SPICE1: variants seen among roughly 807,000 people sequenced by gnomAD.
SPICE1 encodes the protein spindle and centriole associated protein 1, also known as spindle and centriole-associated protein 1.
A neutral mutation model predicts 102.7 loss-of-function variants in SPICE1; 75 were observed. The observed-to-expected ratio is 0.73, with a 90% CI of 0.61 to 0.88. The LOEUF (loss-of-function observed/expected upper bound fraction) is 0.88. Ranked by LOEUF, SPICE1 falls within the 40% of genes least tolerant of loss-of-function variation. SPICE1 has a pLI of 0.00. For missense variants in SPICE1, 979 were observed against 1,020.1 expected (o/e 0.96, Z 0.55); for synonymous variants, 308 against 350.3 (o/e 0.88, Z 1.35).
chr3:113,473,697 G>C (rs1262643657), intron 7 of SPICE1, among the ~76,000 whole-genome samples: 1 of 151,448 alleles, frequency 6.6e-6, no homozygotes, highest in Non-Finnish European at 1.5e-5. Flanking sequence ...AGCTTCATAA[G>C]TGAAGGAGAA....
In SPICE1 at chr3:113,458,463, C is replaced by T. The variant is rs546167808; in HGVS notation, c.1436-1106G>A. On this transcript the variant is annotated intron_variant, in intron 12 of 17. Coordinates refer to ENST00000295872, the MANE Select transcript of SPICE1 (RefSeq NM_144718.4). ...TCCTGACCGCGAGTGATCTGCCAGC[C>T]TTGGCCTCCCGAGGTGCCGGGATTG... Among the ~76,000 whole-genome samples the T allele has an allele frequency of 3.9e-5, 6 of 152,362 alleles. No individual in the cohort carries two copies. The East Asian group carries it at 9.6e-4, about 24-fold the overall frequency.
chr3:113,472,876 C>G (rs931712268), intron 7 of SPICE1, among the ~76,000 whole-genome samples: 1 of 152,294 alleles, frequency 6.6e-6, no homozygotes, highest in Admixed American at 6.5e-5. Context: ...AAAAGCAGAG[C>G]ACCTCTCCTC....
At chr3:113,501,918 C>T (rs553548508) in intron 3 of SPICE1, among the ~76,000 whole-genome samples, 5 of 152,270 alleles carry the variant, frequency 3.3e-5, no homozygotes, top group Non-Finnish European at 7.4e-5. Flanking sequence ...TATAAAAGAA[C>T]TGATAATACA....
At chr3:113,475,823 A>G (rs1220216135) in intron 7 of SPICE1, among the ~76,000 whole-genome samples, 4 of 152,224 alleles carry the variant, frequency 2.6e-5, no homozygotes, top group African/African-American at 9.7e-5. Context: ...CCCACAGCCA[A>G]TATCATATTG....
intron 7 of SPICE1, among the ~76,000 whole-genome samples, chr3:113,486,210 CATATATAT>C (rs60309507): frequency 4.3e-5 from 6 of 141,046 alleles, no homozygotes; most frequent in Admixed American, 7.1e-5. Context: ...TGACCATTCT[CATATATAT>C]ATATATATAT....
Position 113,502,174 on chromosome 3 carries a change from G to A in SPICE1, c.147+1006C>T, listed in dbSNP as rs552871586. Among the ~76,000 whole-genome samples, 118 of 152,204 alleles carry A rather than the reference G, an allele frequency of 7.8e-4. No individual in the cohort carries two copies. The South Asian group carries it at 0.014, about 18-fold the overall frequency. On this transcript the variant is annotated intron_variant, in intron 3 of 17. Coordinates refer to ENST00000295872, the MANE Select transcript of SPICE1 (RefSeq NM_144718.4). ...GCAGATTCCTTGAGCCCAGGAGTTCGAGACCAGCCTGGGCAAGACGGCAAA... is the reference window on the plus strand; with the variant it reads ...GCAGATTCCTTGAGCCCAGGAGTTCAAGACCAGCCTGGGCAAGACGGCAAA...
At chr3:113,471,646 G>A (rs1210152405) in intron 7 of SPICE1, among the ~76,000 whole-genome samples, 1 of 152,238 alleles carries the variant, frequency 6.6e-6, no homozygotes. Context: ...AAACAAAAAC[G>A]GGATACGCAT....
rs989241086 is a variant in SPICE1, at chr3:113,460,273, G to A, written c.1435+344C>T. 2.0e-5 allele frequency: 19 copies of A among 973,836 alleles called. No individual in the cohort carries two copies. The East Asian group carries it at 1.5e-3, about 76-fold the overall frequency. 60.3% of individuals were successfully genotyped at this position (973,836 alleles called of 1,614,324 possible). A position where few individuals can be genotyped will look rare whatever the true frequency, so the allele number is the denominator to read the frequency against. On this transcript the variant is annotated intron_variant, in intron 12 of 17. Coordinates refer to ENST00000295872, the MANE Select transcript of SPICE1 (RefSeq NM_144718.4). ...AGTGCTAGCACTCTCTTTGGTCTAG[G>A]TGTCCAGTTCTGCTACTTTCTACCT... is the stretch of plus-strand genomic sequence containing the variant.
At chr3:113,466,695 G>A (rs1347560630) in intron 10 of SPICE1, among the ~76,000 whole-genome samples, 1 of 152,114 alleles carries the variant, frequency 6.6e-6, no homozygotes, top group Non-Finnish European at 1.5e-5. Context: ...TGAGTTAAGG[G>A]TGAAAGAATG....
At chr3:113,484,416 G>C (rs371621598) in intron 7 of SPICE1, among the ~76,000 whole-genome samples, 1 of 151,952 alleles carries the variant, frequency 6.6e-6, no homozygotes, top group Non-Finnish European at 1.5e-5. Flanking sequence ...CTTGTCTTCT[G>C]CTAACTTTTG....
At position 113,513,252 on chromosome 3, in the gene SPICE1, T is replaced by A. The variant is rs186113169; in HGVS notation, c.-1+1645A>T. Among the ~76,000 whole-genome samples, 1,378 of 151,130 alleles carry A rather than the reference T, an allele frequency of 9.1e-3. 27 individuals are homozygous for A. The highest frequency in any genetic ancestry group is 0.032 in the African/African-American group (1,314 of 41,190). On this transcript the variant is annotated intron_variant, in intron 1 of 17. Transcript: ENST00000295872. ...CAAGACCCTGTCTCTAAAAAAAAAA[T>A]TTTTTTTAATTAGCCAGGAGTGGCA...
rs529311272 is a variant in SPICE1 at position 113,443,593 on chromosome 3, C to T, written c.*1714G>A. Reference sequence around the variant, plus strand: ...AGTACGGTGTCTGCCACAGTAATGGCTCAATAAGGAACAGCTATTCTTATT... The same window carrying T: ...AGTACGGTGTCTGCCACAGTAATGGTTCAATAAGGAACAGCTATTCTTATT... On this transcript the variant is annotated 3_prime_UTR_variant, in exon 18 of 18. Transcript: ENST00000295872. The T allele has an allele frequency of 4.6e-5, 7 of 152,290 alleles. No homozygotes were observed. The South Asian group carries it at 1.5e-3, about 32-fold the overall frequency. The allele number at this position is 152,290 out of a possible 1,614,324, so 9.4% of individuals were successfully genotyped here.
intron 7 of SPICE1, among the ~76,000 whole-genome samples, chr3:113,482,114 C>T (rs62265999): frequency 3.3e-5 from 5 of 152,230 alleles, no homozygotes; most frequent in Admixed American, 6.5e-5. Flanking sequence ...TTCTAACTGG[C>T]GTGAGATGGT....
intron 1 of SPICE1, among the ~76,000 whole-genome samples, chr3:113,508,559 T>G (rs1045553722): frequency 6.6e-6 from 1 of 152,160 alleles, no homozygotes; most frequent in Non-Finnish European, 1.5e-5. Flanking sequence ...CCAATCAAGA[T>G]ACCACCTCAC....
intron 7 of SPICE1, among the ~76,000 whole-genome samples, chr3:113,486,560 G>C (rs1936652854): frequency 6.6e-6 from 1 of 151,314 alleles, no homozygotes; most frequent in Admixed American, 6.6e-5. Flanking sequence ...ACACAATTTA[G>C]TACTATCCAA....
rs376190228 is a variant in SPICE1, at chr3:113,450,700, C to T, written c.2143-184G>A. On this transcript the variant is annotated intron_variant, in intron 14 of 17. Coordinates refer to ENST00000295872, the MANE Select transcript of SPICE1 (RefSeq NM_144718.4). ...CACGCCATTCTCCTGCCTCAGTCTC[C>T]CGAGTAGCTGGGACTACAGGCACCT... Among the ~76,000 whole-genome samples, 275 of 151,968 alleles carry T rather than the reference C, an allele frequency of 1.8e-3. 1 individual carries two copies. Among genetic ancestry groups the T allele is most frequent in the South Asian group, 6.5e-3 (31 of 4,800 alleles).
At chr3:113,478,257 T>C (rs1936408819) in intron 7 of SPICE1, among the ~76,000 whole-genome samples, 1 of 152,046 alleles carries the variant, frequency 6.6e-6, no homozygotes, top group South Asian at 2.1e-4. Flanking sequence ...GAAGAATATT[T>C]CCAAATTGTC....
chr3:113,499,420 T>C lies in SPICE1; in HGVS notation c.291+19A>G. ...TATCTCCTTTTTTTCTTTCTAACTCTAATGCAGTTTAGCATTACCTCCTTC... is the reference window on the plus strand; with the variant it reads ...TATCTCCTTTTTTTCTTTCTAACTCCAATGCAGTTTAGCATTACCTCCTTC... On this transcript the variant is annotated intron_variant, in intron 4 of 17. Transcript: ENST00000295872. 3.7e-6 allele frequency: 6 copies of C among 1,605,094 alleles called. No homozygotes were observed. The highest frequency in any genetic ancestry group is 4.2e-6 in the Non-Finnish European group (5 of 1,177,726).
In SPICE1 at chr3:113,460,449, A is replaced by G. The variant is rs143624309; in HGVS notation, c.1435+168T>C. ...ACTTAACAAGTATCTGGCATAGAGC[A>G]TGCATCCAATATTAGCTGGAAAAGT... On this transcript the variant is annotated intron_variant, in intron 12 of 17. Coordinates refer to ENST00000295872, the MANE Select transcript of SPICE1 (RefSeq NM_144718.4). 1,899 of 984,032 alleles carry G rather than the reference A, an allele frequency of 1.9e-3. 2 individuals carry two copies. Among genetic ancestry groups the G allele is most frequent in the Non-Finnish European group, 2.2e-3 (1,801 of 828,628 alleles). 61.0% of individuals were successfully genotyped at this position (984,032 alleles called of 1,614,324 possible).
Sources: allele counts gnomAD v4.1 joint callset (sites outside exome capture counted in the v4.1 genomes callset), GRCh38; gene constraint gnomAD v4.1.1; transcripts MANE v1.5; gene names NCBI Gene and HGNC (gene_info 2026-07-23, HGNC 2026-07-21).